The following PTPRD variants were observed in gnomAD, a reference collection of about 807,000 sequenced individuals.
PTPRD encodes the protein protein tyrosine phosphatase receptor type D, also known as receptor-type tyrosine-protein phosphatase delta.
PTPRD carries 34 observed loss-of-function variants against 214.5 expected under a neutral mutation model. The ratio of observed to expected loss-of-function variants is 0.16; its 90% confidence interval spans 0.12 to 0.21. The LOEUF (loss-of-function observed/expected upper bound fraction) is 0.21. Among genes scored for constraint, PTPRD ranks in the 10% least tolerant of loss-of-function variants. The pLI is 1.00. For synonymous variants in PTPRD, 1,128 were observed against 845.7 expected (o/e 1.33, Z -5.79); for missense variants, 2,545 against 2,398.7 (o/e 1.06, Z -1.27).
chr9:8,705,200 C>T (rs1213536630), intron 12 of PTPRD, among the ~76,000 whole-genome samples: 2 of 152,106 alleles, frequency 1.3e-5, no homozygotes, highest in African/African-American at 4.8e-5. Context: ...AGTATGATCA[C>T]TTTCCTAAAT....
rs146276271 is a variant in PTPRD at position 9,485,798 on chromosome 9, G to C, written c.-236-88316C>G. Among the ~76,000 whole-genome samples, 583 of 152,140 alleles carry C rather than the reference G, an allele frequency of 3.8e-3. 1 individual carries two copies. Among genetic ancestry groups the C allele is most frequent in the African/African-American group, 0.013 (546 of 41,504 alleles). On this transcript the variant is annotated intron_variant, in intron 8 of 45. Transcript: ENST00000381196. ...GTGGATTATTCTGTTAGCCATTCTA[G>C]GGATATCACTTTCTCCACTAGACCC...
intron 3 of PTPRD, among the ~76,000 whole-genome samples, chr9:10,154,754 C>T (rs570629287): frequency 8.1e-6 from 1 of 123,800 alleles, no homozygotes; most frequent in South Asian, 2.9e-4. Context: ...GATCAGATGG[C>T]TGTAGCAGGG....
At chr9:10,266,075 G>A (rs2094034155) in intron 3 of PTPRD, among the ~76,000 whole-genome samples, 1 of 151,810 alleles carries the variant, frequency 6.6e-6, no homozygotes, top group South Asian at 2.1e-4. Flanking sequence ...CCTTTTTCAT[G>A]GCCCTATGGA....
At chr9:8,959,234 T>C (rs2099146800) in intron 11 of PTPRD, among the ~76,000 whole-genome samples, 1 of 151,912 alleles carries the variant, frequency 6.6e-6, no homozygotes, top group Admixed American at 6.6e-5. Flanking sequence ...GGAAAAGTTT[T>C]TATGAGTGCT....
At chr9:10,514,505 C>A (rs1041932033) in intron 2 of PTPRD, among the ~76,000 whole-genome samples, 2 of 151,442 alleles carry the variant, frequency 1.3e-5, no homozygotes, top group African/African-American at 4.8e-5. Flanking sequence ...ATTTGATTTT[C>A]TCTTAGGCAA....
rs1566106105 is a variant in PTPRD at position 9,898,508 on chromosome 9, C to G, written c.-368+39999G>C. Among the ~76,000 whole-genome samples the G allele has an allele frequency of 2.0e-5, 3 of 152,184 alleles. No homozygotes were observed. The East Asian group carries it at 5.8e-4, about 29-fold the overall frequency. ...AAAGATACCGCATCAAGGATTACTT[C>G]ATGTGATTTCATATGAAGCTCTAGA... is the stretch of plus-strand genomic sequence containing the variant. On this transcript the variant is annotated intron_variant, in intron 5 of 45. Coordinates refer to ENST00000381196, the MANE Select transcript of PTPRD (RefSeq NM_002839.4).
intron 2 of PTPRD, among the ~76,000 whole-genome samples, chr9:10,578,740 C>A (rs925793219): frequency 1.3e-5 from 2 of 151,910 alleles, no homozygotes; most frequent in Non-Finnish European, 2.9e-5. Context: ...ATAATTTCAA[C>A]TTTTATTTTA....
intron 11 of PTPRD, among the ~76,000 whole-genome samples, chr9:9,017,741 A>G (rs1051893988): frequency 6.6e-6 from 1 of 152,168 alleles, no homozygotes; most frequent in African/African-American, 2.4e-5. Context: ...TTCTTTTTCA[A>G]TGAAATAGAT....
chr9:8,491,482 A>G (rs1157789318), intron 27 of PTPRD, among the ~76,000 whole-genome samples: 2 of 152,148 alleles, frequency 1.3e-5, no homozygotes, highest in African/African-American at 4.8e-5. Context: ...TTATTATGAC[A>G]TATTTATAAG....
intron 39 of PTPRD, among the ~76,000 whole-genome samples, chr9:8,346,307 A>C (rs1857576594): frequency 6.6e-6 from 1 of 152,138 alleles, no homozygotes; most frequent in Non-Finnish European, 1.5e-5. Flanking sequence ...AAATATATTA[A>C]AAATAAAGGT....
In PTPRD at chr9:10,024,678, G is replaced by A. The variant is rs998466948; in HGVS notation, c.-472+9040C>T. ...AAGTTTTAGGGTACATGTGCACAAC[G>A]TGCAGGTTTGTTACATACGTATACA... On this transcript the variant is annotated intron_variant, in intron 4 of 45. Coordinates refer to ENST00000381196, the MANE Select transcript of PTPRD (RefSeq NM_002839.4). Among the ~76,000 whole-genome samples, 10 of 150,714 alleles carry A rather than the reference G, an allele frequency of 6.6e-5. 2 individuals are homozygous for A. The highest frequency in any genetic ancestry group is 1.5e-4 in the African/African-American group (6 of 40,978).
At chr9:8,792,164 A>G (rs1375854696) in intron 11 of PTPRD, among the ~76,000 whole-genome samples, 1 of 152,004 alleles carries the variant, frequency 6.6e-6, no homozygotes, top group Non-Finnish European at 1.5e-5. Flanking sequence ...GGGATAATGC[A>G]TTTGGCCTTG....
At chr9:9,685,355 A>G (rs1439092516) in intron 7 of PTPRD, among the ~76,000 whole-genome samples, 1 of 151,252 alleles carries the variant, frequency 6.6e-6, no homozygotes, top group East Asian at 1.9e-4. Context: ...TTAAACATGT[A>G]CTTATTAAAA....
intron 5 of PTPRD, among the ~76,000 whole-genome samples, chr9:9,886,873 C>G (rs10119789): frequency 0.013 from 1,931 of 152,192 alleles, 27 homozygotes; most frequent in African/African-American, 0.039. Context: ...AGCCTTTAGA[C>G]TACATGGACA....
At chr9:8,728,478 G>C (rs991792925) in intron 12 of PTPRD, among the ~76,000 whole-genome samples, 2 of 152,086 alleles carry the variant, frequency 1.3e-5, no homozygotes, top group African/African-American at 4.8e-5. Context: ...AATTACAGGC[G>C]TGAGCCACCA....
At chr9:10,430,645 T>A (rs564903090) in intron 2 of PTPRD, among the ~76,000 whole-genome samples, 1 of 151,928 alleles carries the variant, frequency 6.6e-6, no homozygotes, top group Non-Finnish European at 1.5e-5. Flanking sequence ...TCCGTCAGAA[T>A]AATAATGCAA....
At chr9:9,086,136 C>A (rs149412360) in intron 10 of PTPRD, among the ~76,000 whole-genome samples, 1 of 152,174 alleles carries the variant, frequency 6.6e-6, no homozygotes, top group Non-Finnish European at 1.5e-5. Flanking sequence ...ACTTCCAGAA[C>A]GGCACCAAAT....
intron 3 of PTPRD, among the ~76,000 whole-genome samples, chr9:10,072,244 G>A (rs1419439665): frequency 6.6e-6 from 1 of 151,976 alleles, no homozygotes; most frequent in Admixed American, 6.6e-5. Flanking sequence ...CGCATCAGAG[G>A]AATGCAAATT....
intron 11 of PTPRD, among the ~76,000 whole-genome samples, chr9:8,752,366 C>G (rs1324303114): frequency 1.3e-5 from 2 of 152,092 alleles, no homozygotes; most frequent in Non-Finnish European, 2.9e-5. Flanking sequence ...GCCATGGCAA[C>G]ATCAGGAAGT....
Sources: gnomAD v4.1 joint callset for allele counts (sites outside exome capture counted in the v4.1 genomes callset) on GRCh38, gnomAD v4.1.1 for gene constraint, MANE v1.5 for transcripts, NCBI Gene and HGNC (gene_info 2026-07-23, HGNC 2026-07-21) for gene names.